The following ARHGAP24 variants were observed in gnomAD, a reference collection of about 807,000 sequenced individuals.
The protein encoded by ARHGAP24 is rho GTPase-activating protein 24.
ARHGAP24 carries 50 observed loss-of-function variants against 76.4 expected under a neutral mutation model. That is an observed-to-expected ratio of 0.65 (90% confidence interval 0.52 to 0.83). The LOEUF is 0.83. Among genes scored for constraint, ARHGAP24 ranks in the 40% least tolerant of loss-of-function variants. The pLI, the probability that ARHGAP24 is intolerant of heterozygous loss-of-function variation, is 0.00. For synonymous variants in ARHGAP24, 345 were observed against 323.3 expected, an observed-to-expected ratio of 1.07 and a Z score of -0.72; for missense variants, 930 against 914.2, an observed-to-expected ratio of 1.02 and a Z score of -0.22.
chr4:85,549,631 T>C (rs1222956541), intron 1 of ARHGAP24, among the ~76,000 whole-genome samples: 1 of 149,956 alleles, frequency 6.7e-6, no homozygotes, highest in African/African-American at 2.5e-5. Context: ...TTCAGGTTCA[T>C]GTGTAAATGT....
chr4:85,565,446 G>T (rs1240410557), intron 1 of ARHGAP24, among the ~76,000 whole-genome samples: 1 of 152,166 alleles, frequency 6.6e-6, no homozygotes, highest in African/African-American at 2.4e-5. Context: ...TTCTTTGACT[G>T]ATTGAGGGGA....
intron 1 of ARHGAP24, among the ~76,000 whole-genome samples, chr4:85,545,436 A>G (rs546483639): frequency 3.3e-5 from 5 of 152,244 alleles, no homozygotes; most frequent in Admixed American, 3.3e-4. Flanking sequence ...GTACTATGTC[A>G]CTTTCATTGC....
chr4:85,719,114 A>G (rs1361889840), intron 2 of ARHGAP24, among the ~76,000 whole-genome samples: 4 of 152,226 alleles, frequency 2.6e-5, no homozygotes, highest in African/African-American at 9.6e-5. Context: ...AGTAAGTAGA[A>G]TAAATTCTTA....
intron 1 of ARHGAP24, among the ~76,000 whole-genome samples, chr4:85,493,690 G>A (rs546568717): frequency 2.8e-4 from 43 of 152,224 alleles, no homozygotes; most frequent in Admixed American, 7.2e-4. Flanking sequence ...CAGCCCATGA[G>A]TCAATCATTT....
At chr4:85,949,339 G>GT (rs1426375579) in intron 5 of ARHGAP24, among the ~76,000 whole-genome samples, 1 of 152,122 alleles carries the variant, frequency 6.6e-6, no homozygotes, top group African/African-American at 2.4e-5. Context: ...CAATCCAAAT[G>GT]TTTTTAGTTT....
At chr4:85,726,487 G>T (rs343857) in intron 3 of ARHGAP24, among the ~76,000 whole-genome samples, 146,031 of 152,210 alleles carry the variant, frequency 0.96, 70,356 homozygotes, top group East Asian at 1. Context: ...CCCCTGAGGC[G>T]GTGATCCCTC....
At chr4:85,848,278 C>T (rs1206095242) in intron 3 of ARHGAP24, among the ~76,000 whole-genome samples, 3 of 152,124 alleles carry the variant, frequency 2.0e-5, no homozygotes, top group Non-Finnish European at 4.4e-5. Flanking sequence ...TGGTTTGCTG[C>T]ACCCATTAAC....
chr4:85,935,271 G>A (rs540553570), intron 4 of ARHGAP24, among the ~76,000 whole-genome samples: 2 of 152,250 alleles, frequency 1.3e-5, no homozygotes, highest in African/African-American at 4.8e-5. Flanking sequence ...GGAATGAGAA[G>A]GTAAACAAAC....
At chr4:85,496,446 C>G (rs1050799611) in intron 1 of ARHGAP24, among the ~76,000 whole-genome samples, 2 of 152,228 alleles carry the variant, frequency 1.3e-5, no homozygotes, top group Non-Finnish European at 2.9e-5. Flanking sequence ...TGTTTGTTTA[C>G]TTTTCATAAC....
intron 2 of ARHGAP24, among the ~76,000 whole-genome samples, chr4:85,614,008 C>A (rs9994986): frequency 0.069 from 10,543 of 152,180 alleles, 472 homozygotes; most frequent in Non-Finnish European, 0.098. Context: ...ACAAATGGGC[C>A]AAGCTTAGAA....
intron 5 of ARHGAP24, among the ~76,000 whole-genome samples, chr4:85,968,583 A>G (rs1709855409): frequency 6.6e-6 from 1 of 152,162 alleles, no homozygotes; most frequent in South Asian, 2.1e-4. Flanking sequence ...TAGACTGAAC[A>G]TACAAAGATA....
chr4:85,703,383 G>A (rs1027836614), intron 2 of ARHGAP24, among the ~76,000 whole-genome samples: 5 of 152,100 alleles, frequency 3.3e-5, no homozygotes, highest in South Asian at 2.1e-4. Context: ...ACTGTTTTAC[G>A]TTGACTTGGC....
chr4:85,625,590 G>A (rs147676580), intron 2 of ARHGAP24, among the ~76,000 whole-genome samples: 1 of 152,144 alleles, frequency 6.6e-6, no homozygotes, highest in Non-Finnish European at 1.5e-5. Flanking sequence ...TATTAGGTCT[G>A]CTTGGTGCAG....
At chr4:85,824,081 T>A (rs911795722) in intron 3 of ARHGAP24, among the ~76,000 whole-genome samples, 10 of 152,048 alleles carry the variant, frequency 6.6e-5, no homozygotes, top group African/African-American at 2.4e-4. Context: ...GCTCAGAAGG[T>A]GTTTAATTTC....
intron 3 of ARHGAP24, among the ~76,000 whole-genome samples, chr4:85,813,818 T>A (rs902931162): frequency 4.4e-5 from 6 of 137,160 alleles, no homozygotes; most frequent in East Asian, 4.1e-4. Context: ...TATATTTATT[T>A]TATATATATA....
At position 85,805,608 on chromosome 4, in the gene ARHGAP24, G is replaced by C. The variant is rs372103061; in HGVS notation, c.268+83636G>C. ...CACAAATGATTCCCCTGCTGTTGTA[G>C]GGTTCTTTATTAGTAGCATACTAGC... On this transcript the variant is annotated intron_variant, in intron 3 of 9. Transcript: ENST00000395184. Among the ~76,000 whole-genome samples the C allele has an allele frequency of 7.2e-5, 11 of 152,260 alleles. No individual in the cohort carries two copies. In the South Asian group the frequency reaches 2.3e-3, roughly 32 times the overall value.
At chr4:85,978,134 A>ATGAAAGAAT (rs1216779440) in intron 8 of ARHGAP24, among the ~76,000 whole-genome samples, 13 of 152,338 alleles carry the variant, frequency 8.5e-5, no homozygotes, top group South Asian at 2.1e-4. Context: ...AGGTTAAAAC[A>ATGAAAGAAT]TGAAAGAATT....
chr4:85,498,715 C>A (rs781143179), intron 1 of ARHGAP24, among the ~76,000 whole-genome samples: 15 of 152,152 alleles, frequency 9.9e-5, no homozygotes, highest in Non-Finnish European at 1.5e-5. Context: ...AATCTAGATT[C>A]TAACAGATTG....
intron 5 of ARHGAP24, among the ~76,000 whole-genome samples, chr4:85,971,501 G>A (rs889951742): frequency 1.3e-5 from 2 of 151,754 alleles, no homozygotes; most frequent in South Asian, 2.1e-4. Context: ...GTACATAGTC[G>A]GTGTATATAT....
Sources: gnomAD v4.1 joint callset for allele counts (sites outside exome capture counted in the v4.1 genomes callset) on GRCh38, gnomAD v4.1.1 for gene constraint, MANE v1.5 for transcripts, NCBI Gene and HGNC (gene_info 2026-07-23, HGNC 2026-07-21) for gene names.